SHISA9: variants seen among roughly 807,000 people sequenced by gnomAD.
SHISA9 encodes protein shisa-9.
In SHISA9, 13 loss-of-function variants were observed where a neutral mutation model predicts 38.0. The observed-to-expected ratio is 0.34, with a 90% CI of 0.22 to 0.54. The LOEUF is 0.54. SHISA9 is among the 20% of genes least tolerant of loss of function. SHISA9 has a pLI of 0.91. For missense variants in SHISA9, 538 were observed against 575.8 expected, an observed-to-expected ratio of 0.93 and a Z score of 0.67; for synonymous variants, 275 against 242.0, an observed-to-expected ratio of 1.14 and a Z score of -1.27.
chr16:13,283,520 G>A, the SHISA9 span, among the ~76,000 whole-genome samples: 1 of 152,196 alleles, frequency 6.6e-6, no homozygotes, highest in Admixed American at 6.6e-5. Context: ...TGGCAGGGAA[G>A]AGAGAATGAG....
At chr16:13,200,686 G>C (rs1024236220) in intron 2 of SHISA9, among the ~76,000 whole-genome samples, 2 of 83,592 alleles carry the variant, frequency 2.4e-5, no homozygotes, top group Admixed American at 1.1e-4. Context: ...CTCTCCCATC[G>C]CAGCTGAATC....
intron 2 of SHISA9, among the ~76,000 whole-genome samples, chr16:13,094,063 G>A (rs1262197328): frequency 6.6e-6 from 1 of 152,042 alleles, no homozygotes; most frequent in Non-Finnish European, 1.5e-5. Context: ...CTGGGGTCCC[G>A]GTGTCTTGGT....
chr16:13,004,915 A>C (rs1567178755), intron 2 of SHISA9, among the ~76,000 whole-genome samples: 1 of 147,348 alleles, frequency 6.8e-6, no homozygotes. Context: ...CTGGGTGACA[A>C]GAGTAAGACT....
chr16:13,034,793 T>C (rs971520402), intron 2 of SHISA9, among the ~76,000 whole-genome samples: 3 of 152,178 alleles, frequency 2.0e-5, no homozygotes, highest in Non-Finnish European at 2.9e-5. Context: ...ACCTCTGCCA[T>C]TGCCAAGACT....
chr16:13,453,909 G>A, the SHISA9 span, among the ~76,000 whole-genome samples: 8 of 152,252 alleles, frequency 5.3e-5, no homozygotes, highest in Non-Finnish European at 1.0e-4. Flanking sequence ...CAGTACAGAG[G>A]CTTGTCCGAT....
intron 2 of SHISA9, among the ~76,000 whole-genome samples, chr16:13,029,056 T>A (rs1003591648): frequency 5.9e-5 from 9 of 152,244 alleles, no homozygotes; most frequent in East Asian, 5.8e-4. Context: ...TCTCTCCTTT[T>A]AAAATTTTTT....
At chr16:13,511,799 G>A in the SHISA9 span, among the ~76,000 whole-genome samples, 1 of 152,052 alleles carries the variant, frequency 6.6e-6, no homozygotes, top group Non-Finnish European at 1.5e-5. Context: ...TGGGGGCAGA[G>A]AGAGAGAGAG....
At chr16:13,473,349 C>CTTT in the SHISA9 span, among the ~76,000 whole-genome samples, 784 of 73,700 alleles carry the variant, frequency 0.011, 1 homozygote, top group Non-Finnish European at 0.013. Context: ...TTCTTTCTTT[C>CTTT]TTTTTTTTTT....
chr16:12,909,753 C>T lies in SHISA9; in HGVS notation c.564-6935C>T, dbSNP rs114209764. The stretch of plus-strand genomic sequence containing the variant: ...GTCAGTGTTATTTGCTTCATTTTTA[C>T]ATTATGGTCTAAAATTAACTTGCTA... On this transcript the variant is annotated intron_variant, in intron 1 of 4. Transcript: ENST00000558583. 1,564 of 217,384 alleles carry T rather than the reference C, an allele frequency of 7.2e-3. 27 individuals are homozygous for T. The highest frequency in any genetic ancestry group is 0.034 in the African/African-American group (1,436 of 42,708). The allele number at this position is 217,384 out of a possible 1,614,324, so 13.5% of individuals were successfully genotyped here.
intron 2 of SHISA9, among the ~76,000 whole-genome samples, chr16:12,983,409 A>G (rs2072265909): frequency 6.6e-6 from 1 of 152,206 alleles, no homozygotes; most frequent in African/African-American, 2.4e-5. Context: ...AATGCAGGGA[A>G]AGCATTCAGC....
At chr16:13,163,601 CTGAA>C (rs2050613183) in intron 2 of SHISA9, among the ~76,000 whole-genome samples, 1 of 152,046 alleles carries the variant, frequency 6.6e-6, no homozygotes, top group Non-Finnish European at 1.5e-5. Flanking sequence ...GCTTAAAATA[CTGAA>C]TATTTAAAAC....
chr16:12,912,542 A>C (rs1354500013), intron 1 of SHISA9, among the ~76,000 whole-genome samples: 1 of 152,146 alleles, frequency 6.6e-6, no homozygotes, highest in Non-Finnish European at 1.5e-5. Context: ...GTTTCAGAGG[A>C]TTCAGCGATC....
intron 2 of SHISA9, among the ~76,000 whole-genome samples, chr16:13,131,255 A>G (rs1016445504): frequency 6.6e-6 from 1 of 152,188 alleles, no homozygotes; most frequent in African/African-American, 2.4e-5. Context: ...AAATGTAAAA[A>G]ATATACATCA....
At chr16:13,391,218 C>T in the SHISA9 span, among the ~76,000 whole-genome samples, 1 of 152,116 alleles carries the variant, frequency 6.6e-6, no homozygotes, top group Non-Finnish European at 1.5e-5. Flanking sequence ...GATGCTATAG[C>T]CCACATTATT....
chr16:13,480,097 C>T, the SHISA9 span, among the ~76,000 whole-genome samples: 2 of 152,168 alleles, frequency 1.3e-5, no homozygotes, highest in Non-Finnish European at 2.9e-5. Context: ...CTAGGCCTAC[C>T]TCTTCTCACT....
intron 2 of SHISA9, among the ~76,000 whole-genome samples, chr16:13,170,355 G>A (rs74751525): frequency 0.014 from 2,129 of 152,290 alleles, 43 homozygotes; most frequent in African/African-American, 0.04. Context: ...CAAGATCCCT[G>A]AACTCAGGGG....
intron 1 of SHISA9, among the ~76,000 whole-genome samples, chr16:12,905,550 C>T (rs1402274019): frequency 6.6e-6 from 1 of 151,458 alleles, no homozygotes; most frequent in African/African-American, 2.4e-5. Context: ...TAAATTAATC[C>T]AGGAGAAAGG....
At chr16:12,909,426 A>C (rs991664082) in intron 1 of SHISA9, 1 of 985,328 alleles carries the variant, frequency 1.0e-6, no homozygotes, top group African/African-American at 1.7e-5. Flanking sequence ...CAACACATAG[A>C]TTGGACATTG....
At chr16:12,970,427 G>T (rs866522345) in intron 2 of SHISA9, among the ~76,000 whole-genome samples, 1 of 31,216 alleles carries the variant, frequency 3.2e-5, no homozygotes, top group Non-Finnish European at 5.7e-5. Flanking sequence ...ACACATATAT[G>T]TATATATATA....
Sources: allele counts gnomAD v4.1 joint callset (sites outside exome capture counted in the v4.1 genomes callset), GRCh38; gene constraint gnomAD v4.1.1; transcripts MANE v1.5; gene names NCBI Gene and HGNC (gene_info 2026-07-23, HGNC 2026-07-21).